MTA3: variants seen among roughly 807,000 people sequenced by gnomAD.
The protein encoded by MTA3 is metastasis-associated protein MTA3.
In MTA3, 34 loss-of-function variants were observed where a neutral mutation model predicts 83.5. That is an observed-to-expected ratio of 0.41 (90% CI 0.31 to 0.54). MTA3 has a LOEUF of 0.54. MTA3 is among the 20% of genes least tolerant of loss of function. MTA3 has a pLI of 0.33. For missense variants in MTA3, 761 were observed against 726.4 expected, an observed-to-expected ratio of 1.05 and a Z score of -0.55; for synonymous variants, 303 against 252.7, an observed-to-expected ratio of 1.20 and a Z score of -1.89.
intron 4 of MTA3, among the ~76,000 whole-genome samples, chr2:42,612,157 TAAA>T (rs1684300395): frequency 6.6e-6 from 1 of 151,904 alleles, no homozygotes; most frequent in South Asian, 2.1e-4. Flanking sequence ...AGATGGAACA[TAAA>T]AACGTGACAT....
chr2:42,611,169 G>C (rs1306735158), intron 4 of MTA3, among the ~76,000 whole-genome samples: 1 of 151,682 alleles, frequency 6.6e-6, no homozygotes, highest in East Asian at 1.9e-4. Context: ...TTTTTTAGTA[G>C]AGACAGGGTT....
chr2:42,627,820 T>C (rs1296453177), intron 4 of MTA3, among the ~76,000 whole-genome samples: 2 of 150,984 alleles, frequency 1.3e-5, no homozygotes, highest in East Asian at 3.9e-4. Context: ...TCTAATGATC[T>C]GCCCACCTGG....
chr2:42,538,100 G>GC (rs538106351), intron 2 of MTA3, among the ~76,000 whole-genome samples: 93 of 152,154 alleles, frequency 6.1e-4, no homozygotes, highest in African/African-American at 2.1e-3. Context: ...AGGTATGGTG[G>GC]CGGGCACCTG....
chr2:42,685,263 C>G (rs1692262872), intron 9 of MTA3, among the ~76,000 whole-genome samples: 1 of 152,132 alleles, frequency 6.6e-6, no homozygotes, highest in Non-Finnish European at 1.5e-5. Context: ...AACAAAATTA[C>G]AGATTTGTAG....
At chr2:42,680,421 T>G (rs550263759) in intron 8 of MTA3, 1 of 152,304 alleles carries the variant, frequency 6.6e-6, no homozygotes, top group African/African-American at 2.4e-5. Flanking sequence ...TGCGTAGAAG[T>G]GAAGCTATCC....
At chr2:42,498,486 A>C (rs545755996) in intron 2 of MTA3, among the ~76,000 whole-genome samples, 1 of 152,254 alleles carries the variant, frequency 6.6e-6, no homozygotes, top group African/African-American at 2.4e-5. Context: ...TTTAGGCCTC[A>C]CAGGGCCTGT....
chr2:42,611,341 C>CACACACACACACACCCTCA (rs1462110821), intron 4 of MTA3, among the ~76,000 whole-genome samples: 8 of 149,514 alleles, frequency 5.4e-5, no homozygotes, highest in African/African-American at 2.0e-4. Flanking sequence ...ACACACACAC[C>CACACACACACACACCCTCA]CCCTCACACA....
At chr2:42,560,040 C>G (rs983296466) in intron 2 of MTA3, among the ~76,000 whole-genome samples, 1 of 152,056 alleles carries the variant, frequency 6.6e-6, no homozygotes, top group Non-Finnish European at 1.5e-5. Flanking sequence ...GCACAGCAGT[C>G]CAAGTGATTT....
At chr2:42,637,874 A>G (rs1687335754) in intron 4 of MTA3, among the ~76,000 whole-genome samples, 1 of 152,164 alleles carries the variant, frequency 6.6e-6, no homozygotes, top group Non-Finnish European at 1.5e-5. Context: ...TATGGAAGAG[A>G]CTTTTAAAGT....
At chr2:42,527,052 C>CAAAAAAAAAA (rs34030475) in intron 2 of MTA3, among the ~76,000 whole-genome samples, 2 of 45,330 alleles carry the variant, frequency 4.4e-5, no homozygotes, top group Non-Finnish European at 7.9e-5. Context: ...GACTCTGTCT[C>CAAAAAAAAAA]AAAAAAAAAA....
At chr2:42,641,318 A>T (rs542609062) in intron 5 of MTA3, among the ~76,000 whole-genome samples, 69 of 151,962 alleles carry the variant, frequency 4.5e-4, no homozygotes, top group African/African-American at 1.4e-3. Context: ...CCCACTATAC[A>T]TTAGAAAACC....
At chr2:42,507,931 G>A (rs922333863) in intron 2 of MTA3, among the ~76,000 whole-genome samples, 10 of 150,542 alleles carry the variant, frequency 6.6e-5, no homozygotes, top group African/African-American at 2.4e-4. Flanking sequence ...GAGCAACGGC[G>A]TGAGTCTGTC....
rs559518365 is a variant in MTA3 at position 42,557,033 on chromosome 2, C to G, written c.-140-13404C>G. On this transcript the variant is annotated intron_variant, in intron 2 of 17. Transcript: ENST00000405592. The stretch of plus-strand genomic sequence containing the variant: ...ATTCTAGCTTCTAACATGGACTCCA[C>G]CCTTCAAGAACACAGTCCAAAATAT... 2.6e-5 allele frequency among the ~76,000 whole-genome samples: 4 copies of G among 152,252 alleles called. No individual in the cohort carries two copies. The East Asian group carries it at 7.7e-4, about 29-fold the overall frequency.
chr2:42,549,724 A>G (rs1218269085), intron 2 of MTA3, among the ~76,000 whole-genome samples: 5 of 134,948 alleles, frequency 3.7e-5, no homozygotes, highest in African/African-American at 1.4e-4. Context: ...TTTAAATTAT[A>G]TATTATATAT....
At chr2:42,568,823 CG>C in intron 1 of MTA3, 50 bp downstream of exon 1, 21 of 1,211,156 alleles carry the variant, frequency 1.7e-5, no homozygotes, top group Non-Finnish European at 2.2e-5. Context: ...GTTCCGGGAG[CG>C]GGGGGCCGGG....
rs1670095948 is a variant in MTA3 at position 42,754,344 on chromosome 2, G to A, written c.*945G>A. ...TGTGGAGTGAGAGAACTGTGTTTGT[G>A]GGTATGAGTCTGTGTGGCCAACCCC... On this transcript the variant is annotated 3_prime_UTR_variant, in exon 17 of 17. Transcript: ENST00000405094. The A allele has an allele frequency of 2.2e-5, 22 of 985,464 alleles. No homozygotes were observed. The highest frequency in any genetic ancestry group is 2.7e-5 in the Non-Finnish European group (22 of 829,982). 61.0% of individuals were successfully genotyped at this position (985,464 alleles called of 1,614,324 possible). A position where few individuals can be genotyped will look rare whatever the true frequency, so the allele number is the denominator to read the frequency against.
intron 2 of MTA3, among the ~76,000 whole-genome samples, chr2:42,505,975 G>T (rs991799991): frequency 6.6e-6 from 1 of 151,908 alleles, no homozygotes; most frequent in African/African-American, 2.4e-5. Flanking sequence ...GTGTCAGCCA[G>T]GCTGGTCTCG....
chr2:42,696,195 C>T (rs531785880), intron 10 of MTA3, among the ~76,000 whole-genome samples: 64 of 152,112 alleles, frequency 4.2e-4, no homozygotes, highest in Non-Finnish European at 7.6e-4. Flanking sequence ...AGTATTTAGA[C>T]CAATGTCATC....
intron 4 of MTA3, among the ~76,000 whole-genome samples, chr2:42,615,561 G>C (rs1032168761): frequency 6.6e-6 from 1 of 151,086 alleles, no homozygotes; most frequent in Non-Finnish European, 1.5e-5. Context: ...TCACCATGTT[G>C]GCCAAGATGG....
Sources: allele counts gnomAD v4.1 joint callset (sites outside exome capture counted in the v4.1 genomes callset), GRCh38; gene constraint gnomAD v4.1.1; transcripts MANE v1.5; gene names NCBI Gene and HGNC (gene_info 2026-07-23, HGNC 2026-07-21).